Variants in LTBP2 observed in about 807,000 individuals in gnomAD.
LTBP2 encodes the protein latent transforming growth factor beta binding protein 2.
Under a neutral mutation model 210.6 loss-of-function variants are expected in LTBP2, and 103 were observed. The observed-to-expected ratio is 0.49, with a 90% CI of 0.42 to 0.58. The LOEUF is 0.58. Among genes scored for constraint, LTBP2 ranks in the 20% least tolerant of loss-of-function variants. The pLI is 0.00. For missense variants in LTBP2, 2,313 were observed against 2,494.5 expected, an observed-to-expected ratio of 0.93 and a Z score of 1.55; for synonymous variants, 1,007 against 1,015.0, an observed-to-expected ratio of 0.99 and a Z score of 0.15.
intron 1 of LTBP2, among the ~76,000 whole-genome samples, chr14:74,607,722 C>T (rs2088545566): frequency 6.6e-6 from 1 of 151,958 alleles, no homozygotes; most frequent in African/African-American, 2.4e-5. Flanking sequence ...TTAAAATATG[C>T]AAAACAACAT....
chr14:74,499,728 C>CTGA lies in LTBP2; in HGVS notation c.*1153_*1155dup, dbSNP rs2086890247. The stretch of plus-strand genomic sequence containing the variant: ...AGCCAACATGGTAAAGAAATTTAAT[C>CTGA]TGATATGAAATAAAAACAACAGAAG... On this transcript the variant is annotated 3_prime_UTR_variant, in exon 36 of 36. Transcript: ENST00000261978. 4.4e-6 allele frequency: 1 copy of CTGA among 226,398 alleles called. No homozygotes were observed. Among genetic ancestry groups the CTGA allele is most frequent in the Non-Finnish European group, 8.8e-6 (1 of 113,804 alleles). 14.0% of individuals were successfully genotyped at this position (226,398 alleles called of 1,614,324 possible). A position where few individuals can be genotyped will look rare whatever the true frequency, so the allele number is the denominator to read the frequency against.
intron 8 of LTBP2, among the ~76,000 whole-genome samples, chr14:74,539,077 T>C (rs1252641823): frequency 6.6e-6 from 1 of 152,260 alleles, no homozygotes; most frequent in Non-Finnish European, 1.5e-5. Flanking sequence ...GCCAGAGGGC[T>C]GAGGAAAGAG....
intron 1 of LTBP2, among the ~76,000 whole-genome samples, chr14:74,610,249 T>C (rs964934818): frequency 6.6e-6 from 1 of 152,006 alleles, no homozygotes; most frequent in Non-Finnish European, 1.5e-5. Context: ...TGAAGAAACA[T>C]AAAGCAGGGT....
intron 5 of LTBP2, among the ~76,000 whole-genome samples, chr14:74,552,666 ACT>A (rs1228246566): frequency 3.9e-5 from 6 of 151,952 alleles, no homozygotes; most frequent in Non-Finnish European, 8.8e-5. Context: ...ATTATCATGA[ACT>A]CTGTCTCTTC....
At position 74,500,787 on chromosome 14, in the gene LTBP2, G is replaced by T; in HGVS notation, c.*97C>A. On this transcript the variant is annotated 3_prime_UTR_variant, in exon 36 of 36. Coordinates refer to ENST00000261978, the MANE Select transcript of LTBP2 (RefSeq NM_000428.3). ...AAGGCTGATTGGAAACCTCTGGCCT[G>T]ATGTCACGGTGTCTTCCCAGCTAGG... 2 of 1,522,790 alleles carry T rather than the reference G, an allele frequency of 1.3e-6. No homozygotes were observed. The highest frequency in any genetic ancestry group is 1.8e-6 in the Non-Finnish European group (2 of 1,100,958). The allele number at this position is 1,522,790 out of a possible 1,614,324, so 94.3% of individuals were successfully genotyped here. A position where few individuals can be genotyped will look rare whatever the true frequency, so the allele number is the denominator to read the frequency against.
intron 13 of LTBP2, among the ~76,000 whole-genome samples, chr14:74,527,061 C>T (rs1319236407): frequency 6.6e-6 from 1 of 152,214 alleles, no homozygotes; most frequent in African/African-American, 2.4e-5. Context: ...CCTAACAGGA[C>T]ATGTTCCTAC....
At chr14:74,504,425 G>C (rs1303374247) in intron 30 of LTBP2, among the ~76,000 whole-genome samples, 1 of 152,226 alleles carries the variant, frequency 6.6e-6, no homozygotes, top group African/African-American at 2.4e-5. Context: ...GGCCTCATCA[G>C]TGCGGCCAGG....
intron 2 of LTBP2, among the ~76,000 whole-genome samples, chr14:74,595,219 C>T (rs1361279048): frequency 1.3e-5 from 2 of 152,238 alleles, no homozygotes; most frequent in Non-Finnish European, 2.9e-5. Context: ...ATGGACCGCC[C>T]TGTTAATTGC....
chr14:74,558,876 C>T (rs1187990664), intron 3 of LTBP2, among the ~76,000 whole-genome samples: 1 of 152,102 alleles, frequency 6.6e-6, no homozygotes, highest in Non-Finnish European at 1.5e-5. Flanking sequence ...TGGGACTGGG[C>T]CAGACAGATG....
chr14:74,546,731 C>T (rs1036954004), intron 8 of LTBP2, among the ~76,000 whole-genome samples: 3 of 152,226 alleles, frequency 2.0e-5, no homozygotes, highest in Non-Finnish European at 2.9e-5. Flanking sequence ...CTCCCGTGCC[C>T]ACCGCCACTG....
rs781034402 is a variant in LTBP2, at chr14:74,586,602, G to A, written c.566-484C>T. Reference sequence around the variant, plus strand: ...CACTGGCCTGAAATTCAAGCGGTTTGAGTTGCTGGGGTTTTCCTGTCACTT... The same window carrying A: ...CACTGGCCTGAAATTCAAGCGGTTTAAGTTGCTGGGGTTTTCCTGTCACTT... On this transcript the variant is annotated intron_variant, in intron 2 of 35. Coordinates refer to ENST00000261978, the MANE Select transcript of LTBP2 (RefSeq NM_000428.3). This position sits in a 1 kb window ranked among gnomAD's most constrained non-coding sequence, Gnocchi z 4.6. Among the ~76,000 whole-genome samples the A allele has an allele frequency of 6.6e-6, 1 of 152,196 alleles. No homozygotes were observed. Among genetic ancestry groups the A allele is most frequent in the Non-Finnish European group, 1.5e-5 (1 of 68,040 alleles).
chr14:74,538,234 A>G (rs866018480), intron 8 of LTBP2, among the ~76,000 whole-genome samples: 6 of 152,134 alleles, frequency 3.9e-5, no homozygotes, highest in Non-Finnish European at 8.8e-5. Flanking sequence ...TTACACACTT[A>G]GCGCAAGGTT....
At chr14:74,513,092 A>G (rs2087091930) in intron 18 of LTBP2, among the ~76,000 whole-genome samples, 1 of 152,262 alleles carries the variant, frequency 6.6e-6, no homozygotes. Flanking sequence ...CCTTTCCTGC[A>G]GGGATCAGGC....
rs778257274 is a variant in LTBP2 at position 74,510,071 on chromosome 14, G to A, written c.3151+20C>T. On this transcript the variant is annotated intron_variant, in intron 20 of 35. Transcript: ENST00000261978. ...AGCTGGATCGGCCTGCGGAGAAGGG[G>A]CGCTTCAGCATCTCTGTACCTTGGC... 6 of 1,613,806 alleles carry A rather than the reference G, an allele frequency of 3.7e-6. No individual in the cohort carries two copies. The East Asian group carries it at 1.1e-4, about 30-fold the overall frequency.
chr14:74,516,792 C>CACTGGGGGGGGGGGGGGGGG, intron 18 of LTBP2, 30 bp downstream of exon 18: 2 of 1,546,304 alleles, frequency 1.3e-6, no homozygotes, highest in Non-Finnish European at 1.7e-6. Context: ...GGTGGGGTGG[C>CACTGGGGGGGGGGGGGGGGG]AGGGCGCTTC....
At chr14:74,534,628 GGTCT>G (rs1197241665) in intron 9 of LTBP2, among the ~76,000 whole-genome samples, 1 of 152,102 alleles carries the variant, frequency 6.6e-6, no homozygotes, top group Non-Finnish European at 1.5e-5. Flanking sequence ...TTGTTCAGGG[GGTCT>G]GTCTGCACTT....
chr14:74,562,067 G>A (rs1397998754), intron 3 of LTBP2, among the ~76,000 whole-genome samples: 1 of 152,054 alleles, frequency 6.6e-6, no homozygotes, highest in Non-Finnish European at 1.5e-5. Context: ...AAAATTAGCT[G>A]GGCGTGTTGG....
intron 15 of LTBP2, 101 bp from the exon 16 acceptor site, chr14:74,523,019 C>G (rs1292272115): frequency 6.2e-6 from 9 of 1,440,470 alleles, no homozygotes; most frequent in Non-Finnish European, 8.5e-6. Context: ...CTAGGGGCCT[C>G]AGAAGGCCAA....
intron 3 of LTBP2, among the ~76,000 whole-genome samples, chr14:74,580,217 C>T (rs370451744): frequency 2.6e-5 from 4 of 152,104 alleles, no homozygotes; most frequent in South Asian, 2.1e-4. Context: ...GAAGAAGCCA[C>T]GGGAGTGTGA....
Sources: gnomAD v4.1 joint callset for allele counts (sites outside exome capture counted in the v4.1 genomes callset) on GRCh38, gnomAD v4.1.1 for gene constraint, Gnocchi (gnomAD v3.1) non-coding constraint, MANE v1.5 for transcripts, NCBI Gene and HGNC (gene_info 2026-07-23, HGNC 2026-07-21) for gene names.